The following CYP1B1 variants were observed in gnomAD, a reference collection of about 807,000 sequenced individuals.
The protein encoded by CYP1B1 is cytochrome P450 family 1 subfamily B member 1.
CYP1B1 carries 22 observed loss-of-function variants against 29.9 expected under a neutral mutation model. The observed-to-expected ratio is 0.74, with a 90% CI of 0.53 to 1.05. The LOEUF (loss-of-function observed/expected upper bound fraction) is 1.05, where lower values mean the gene tolerates loss of function less well. CYP1B1 is among the 50% of genes least tolerant of loss of function. The pLI is 0.00. For synonymous variants in CYP1B1, 375 were observed against 320.0 expected, an observed-to-expected ratio of 1.17 and a Z score of -1.83; for missense variants, 883 against 746.9, an observed-to-expected ratio of 1.18 and a Z score of -2.12.
Position 38,070,567 on chromosome 2 carries a change from T to C in CYP1B1, c.*155A>G, listed in dbSNP as rs1573271645. On this transcript the variant is annotated 3_prime_UTR_variant, in exon 3 of 3. Coordinates refer to ENST00000610745, the MANE Select transcript of CYP1B1 (RefSeq NM_000104.4). Reference sequence around the variant, plus strand: ...CCACTACTCATGAAGAACCGCTGGGTATGGAGCACACCTCACCTGATGGAC... The same window carrying C: ...CCACTACTCATGAAGAACCGCTGGGCATGGAGCACACCTCACCTGATGGAC... The C allele has an allele frequency of 2.8e-6, 2 of 713,588 alleles. No individual in the cohort carries two copies. The highest frequency in any genetic ancestry group is 2.3e-5 in the Admixed American group (1 of 44,102). 44.2% of individuals were successfully genotyped at this position (713,588 alleles called of 1,614,324 possible).
chr2:38,068,615 G>T lies in CYP1B1; in HGVS notation c.*2107C>A. The stretch of plus-strand genomic sequence containing the variant: ...GTACTGGGCAAGCCTGCTTTGTGTA[G>T]TTGACTCTAATGCCTTTAAAAATAC... On this transcript the variant is annotated 3_prime_UTR_variant, in exon 3 of 3. Coordinates refer to ENST00000610745, the MANE Select transcript of CYP1B1 (RefSeq NM_000104.4). 4.4e-6 allele frequency: 1 copy of T among 227,772 alleles called. No individual in the cohort carries two copies. The highest frequency in any genetic ancestry group is 8.8e-6 in the Non-Finnish European group (1 of 114,274). The allele number at this position is 227,772 out of a possible 1,614,324, so 14.1% of individuals were successfully genotyped here.
rs61216970 is a variant in CYP1B1 at position 38,075,354 on chromosome 2, G to T, written c.35C>A (p.Pro12Gln). ...CTGCTGGATGGACAGCGGGTTTAGC[G>T]GCCAAGGGTCGTTCGGGCTGAGGCT... ...GTSLSPNDPW[P>Q]LNPLSIQQTT... Residue 12 changes from proline (P) to glutamine (Q), a missense_variant, in exon 2 of 3, where the codon CCG becomes CAG. By Grantham distance (76) the Pro-to-Gln change is moderately conservative. Coordinates refer to ENST00000610745, the MANE Select transcript of CYP1B1 (RefSeq NM_000104.4). The T allele has an allele frequency of 1.2e-6, 2 of 1,613,234 alleles. No homozygotes were observed. Among genetic ancestry groups the T allele is most frequent in the Admixed American group, 1.7e-5 (1 of 60,014 alleles).
intron 1 of CYP1B1, 90 bp from the exon 2 acceptor site, chr2:38,075,479 GT>G (rs1258493124): frequency 7.5e-7 from 1 of 1,327,046 alleles, no homozygotes; most frequent in Non-Finnish European, 1.1e-6. Flanking sequence ...TGGGGACTGA[GT>G]GCCGTTGGGT....
chr2:38,072,881 G>C (rs1029924391), intron 2 of CYP1B1, among the ~76,000 whole-genome samples: 9 of 126,830 alleles, frequency 7.1e-5, no homozygotes, highest in South Asian at 5.0e-4. Flanking sequence ...CCTGTCATAC[G>C]TCTTTTCACT....
rs776969875 is a variant in CYP1B1 at position 38,075,199 on chromosome 2, C to T, written c.190G>A (p.Ala64Thr). The T allele has an allele frequency of 1.9e-6, 3 of 1,574,336 alleles. No individual in the cohort carries two copies. The highest frequency in any genetic ancestry group is 2.6e-6 in the Non-Finnish European group (3 of 1,167,084). Residue 64 changes from alanine (A) to threonine (T), a missense_variant, in exon 2 of 3, where the codon GCG becomes ACG. Ala to Thr is a moderately conservative substitution (Grantham distance 58). Transcript: ENST00000610745. The stretch of plus-strand genomic sequence containing the variant: ...AGGTGAGCCGCCTGGCCCACCGCCG[C>T]CGCGTTTCCGATCAGTGGCCACGCA... Reference protein sequence around the residue: ...PFAWPLIGNAAAVGQAAHLSF... With the variant: ...PFAWPLIGNATAVGQAAHLSF...
chr2:38,069,241 A>C lies in CYP1B1; in HGVS notation c.*1481T>G, dbSNP rs1460285812. On this transcript the variant is annotated 3_prime_UTR_variant, in exon 3 of 3. Transcript: ENST00000610745. ...ATCTTCTGATTCTGACTTTCCAAAAAGCAGGCATTAATGTTAACTTTCAAA... is the reference window on the plus strand; with the variant it reads ...ATCTTCTGATTCTGACTTTCCAAAACGCAGGCATTAATGTTAACTTTCAAA... 1 of 223,744 alleles carries C rather than the reference A, an allele frequency of 4.5e-6. No individual in the cohort carries two copies. The highest frequency in any genetic ancestry group is 6.5e-5 in the East Asian group (1 of 15,374). 13.9% of individuals were successfully genotyped at this position (223,744 alleles called of 1,614,324 possible). A position where few individuals can be genotyped will look rare whatever the true frequency, so the allele number is the denominator to read the frequency against.
At position 38,074,786 on chromosome 2, in the gene CYP1B1, C is replaced by T. The variant is rs960263159; in HGVS notation, c.603G>A (p.Val201=). The change falls in exon 2 of 3, where the codon GTG becomes GTA. Residue 201 remains valine, a synonymous_variant. Coordinates refer to ENST00000610745, the MANE Select transcript of CYP1B1 (RefSeq NM_000104.4). Reference sequence around the variant, plus strand: ...AACACACGGCACTCATGACGTTGGCCACGGCCACGACGGTCAGCGGCCTCG... The same window carrying T: ...AACACACGGCACTCATGACGTTGGCTACGGCCACGACGGTCAGCGGCCTCG... ...LDPRPLTVVA[V]ANVMSAVCFG... The T allele has an allele frequency of 9.4e-6, 15 of 1,589,802 alleles. No homozygotes were observed. The African/African-American group carries it at 1.5e-4, about 16-fold the overall frequency.
rs777425467 is a variant in CYP1B1, at chr2:38,075,160, G to C, written c.229C>G (p.Leu77Val). 7.0e-6 allele frequency: 11 copies of C among 1,572,192 alleles called. No individual in the cohort carries two copies. Among genetic ancestry groups the C allele is most frequent in the Non-Finnish European group, 9.4e-6 (11 of 1,166,670 alleles). ...AAAACGTCGCCGTAGCGCCGCGCCA[G>C]GCGAGCGAACGAGAGGTGAGCCGCC... is the stretch of plus-strand genomic sequence containing the variant. Reference protein sequence around the residue: ...GQAAHLSFARLARRYGDVFQI... With the variant: ...GQAAHLSFARVARRYGDVFQI... The change falls in exon 2 of 3, where the codon CTG (leucine) becomes GTG (valine). Residue 77 changes from leucine to valine, a missense_variant. Coordinates refer to ENST00000610745, the MANE Select transcript of CYP1B1 (RefSeq NM_000104.4).
At position 38,075,068 on chromosome 2, in the gene CYP1B1, C is replaced by G; in HGVS notation, c.321G>C (p.Leu107=). 3 of 1,584,534 alleles carry G rather than the reference C, an allele frequency of 1.9e-6. No homozygotes were observed. The highest frequency in any genetic ancestry group is 2.3e-5 in the East Asian group (1 of 43,982). Residue 107 remains leucine (L), a synonymous_variant, in exon 2 of 3, where the codon CTG becomes CTC. Coordinates refer to ENST00000610745, the MANE Select transcript of CYP1B1 (RefSeq NM_000104.4). ...LNGERAIHQA[L]VQQGSAFADR... The stretch of plus-strand genomic sequence containing the variant: ...CGGCGAAGGCCGAGCCCTGCTGCAC[C>G]AGGGCCTGGTGGATGGCGCGCTCGC...
At chr2:38,073,281 A>T (rs1682463807) in intron 2 of CYP1B1, among the ~76,000 whole-genome samples, 1 of 152,234 alleles carries the variant, frequency 6.6e-6, no homozygotes, top group African/African-American at 2.4e-5. Context: ...TCTGCCTTCC[A>T]AACACCTTTC....
chr2:38,072,279 C>G (rs956923218), intron 2 of CYP1B1, among the ~76,000 whole-genome samples: 4 of 152,160 alleles, frequency 2.6e-5, no homozygotes, highest in Non-Finnish European at 4.4e-5. Flanking sequence ...CCCCAGCTAC[C>G]TGCCAGACAG....
At position 38,070,426 on chromosome 2, in the gene CYP1B1, T is replaced by A; in HGVS notation, c.*296A>T. On this transcript the variant is annotated 3_prime_UTR_variant, in exon 3 of 3. Transcript: ENST00000610745. ...TGGGTGTATGTGTCTATATGTGCAT[T>A]TTAACTCCAAAGAATGCTACCTTCA... The A allele has an allele frequency of 2.2e-6, 1 of 460,126 alleles. No individual in the cohort carries two copies. The highest frequency in any genetic ancestry group is 2.4e-5 in the South Asian group (1 of 41,094). 28.5% of individuals were successfully genotyped at this position (460,126 alleles called of 1,614,324 possible).
Position 38,070,658 on chromosome 2 carries a change from T to G in CYP1B1, c.*64A>C, listed in dbSNP as rs1473446545. The stretch of plus-strand genomic sequence containing the variant: ...CACAAAAGAGGAACTGGAAAAAAAC[T>G]GAATTTTACTCCTCATCTCCGAAGA... On this transcript the variant is annotated 3_prime_UTR_variant, in exon 3 of 3. Coordinates refer to ENST00000610745, the MANE Select transcript of CYP1B1 (RefSeq NM_000104.4). 1 of 1,460,502 alleles carries G rather than the reference T, an allele frequency of 6.8e-7. No individual in the cohort carries two copies. Among genetic ancestry groups the G allele is most frequent in the African/African-American group, 1.4e-5 (1 of 71,762 alleles). The allele number at this position is 1,460,502 out of a possible 1,614,324, so 90.5% of individuals were successfully genotyped here. A position where few individuals can be genotyped will look rare whatever the true frequency, so the allele number is the denominator to read the frequency against.
Position 38,070,960 on chromosome 2 carries a change from A to G in CYP1B1, c.1394T>C (p.Val465Ala). ...DLTSRVMIFS[V>A]GKRRCIGEEL... ...TTCGCCAATGCACCGCCTTTTGCCC[A>G]CTGAAAAAATCATCACTCTGCTGGT... Residue 465 changes from valine (V) to alanine (A), a missense_variant, in exon 3 of 3, where the codon GTG (valine) becomes GCG (alanine). Val to Ala is a moderately conservative substitution (Grantham distance 64). Coordinates refer to ENST00000610745, the MANE Select transcript of CYP1B1 (RefSeq NM_000104.4). 1.2e-6 allele frequency: 2 copies of G among 1,614,094 alleles called. No individual in the cohort carries two copies. Among genetic ancestry groups the G allele is most frequent in the Non-Finnish European group, 1.7e-6 (2 of 1,179,950 alleles).
chr2:38,075,181 C>T lies in CYP1B1; in HGVS notation c.208G>A (p.Ala70Thr). 6.4e-7 allele frequency: 1 copy of T among 1,568,798 alleles called. No individual in the cohort carries two copies. The highest frequency in any genetic ancestry group is 8.6e-7 in the Non-Finnish European group (1 of 1,164,586). The change falls in exon 2 of 3, where the codon GCT (alanine) becomes ACT (threonine). Residue 70 changes from alanine (A) to threonine (T), a missense_variant. Coordinates refer to ENST00000610745, the MANE Select transcript of CYP1B1 (RefSeq NM_000104.4). Reference protein sequence around the residue: ...IGNAAAVGQAAHLSFARLARR... With the variant: ...IGNAAAVGQATHLSFARLARR... ...GCCAGGCGAGCGAACGAGAGGTGAG[C>T]CGCCTGGCCCACCGCCGCCGCGTTT...
rs1448211397 is a variant in CYP1B1, at chr2:38,075,928, T to A, written c.-150A>T. 1.3e-4 allele frequency: 21 copies of A among 161,312 alleles called. No homozygotes were observed. The allele number at this position is 161,312 out of a possible 1,614,324, so 10.0% of individuals were successfully genotyped here. On this transcript the variant is annotated 5_prime_UTR_variant, in exon 1 of 3. Transcript: ENST00000610745. ...CTGGAAGCTTTAACTCCCACTCGAGTCTCTTGGCGTCGTCAGTGCCAGGAG... is the reference window on the plus strand; with the variant it reads ...CTGGAAGCTTTAACTCCCACTCGAGACTCTTGGCGTCGTCAGTGCCAGGAG...
In CYP1B1 at chr2:38,075,231, C is replaced by T; in HGVS notation, c.158G>A (p.Gly53Asp). 6.3e-7 allele frequency: 1 copy of T among 1,586,484 alleles called. No individual in the cohort carries two copies. Among genetic ancestry groups the T allele is most frequent in the African/African-American group, 1.3e-5 (1 of 74,860 alleles). ...RRRQLRSAPP[G>D]PFAWPLIGNA... ...TCCGATCAGTGGCCACGCAAACGGG[C>T]CCGGGGGCGCGGACCGGAGCTGCCG... is the stretch of plus-strand genomic sequence containing the variant. Residue 53 changes from glycine (G) to aspartate (D), a missense_variant, in exon 2 of 3, where the codon GGC (glycine) becomes GAC (aspartate). By Grantham distance (94) the Gly-to-Asp change is moderately conservative (BLOSUM62 -1). Transcript: ENST00000610745.
rs1156428276 is a variant in CYP1B1 at position 38,070,477 on chromosome 2, A to T, written c.*245T>A. On this transcript the variant is annotated 3_prime_UTR_variant, in exon 3 of 3. Coordinates refer to ENST00000610745, the MANE Select transcript of CYP1B1 (RefSeq NM_000104.4). ...GAAATAACCAAGATGCAGTATGTATATAATAATTCATTGGGCCCTTTAAGT... is the reference window on the plus strand; with the variant it reads ...GAAATAACCAAGATGCAGTATGTATTTAATAATTCATTGGGCCCTTTAAGT... The T allele has an allele frequency of 3.7e-6, 2 of 538,702 alleles. No individual in the cohort carries two copies. The highest frequency in any genetic ancestry group is 6.4e-5 in the Admixed American group (2 of 31,302). The allele number at this position is 538,702 out of a possible 1,614,324, so 33.4% of individuals were successfully genotyped here. A position where few individuals can be genotyped will look rare whatever the true frequency, so the allele number is the denominator to read the frequency against.
Position 38,075,163 on chromosome 2 carries a change from G to A in CYP1B1, c.226C>T (p.Arg76Cys), listed in dbSNP as rs377210850. ...ACGTCGCCGTAGCGCCGCGCCAGGC[G>A]AGCGAACGAGAGGTGAGCCGCCTGG... ...VGQAAHLSFA[R>C]LARRYGDVFQ... The change falls in exon 2 of 3, where the codon CGC becomes TGC. Residue 76 changes from arginine to cysteine, a missense_variant. By Grantham distance (180) the Arg-to-Cys change is radical (BLOSUM62 -3). Transcript: ENST00000610745. 1.3e-6 allele frequency: 2 copies of A among 1,570,168 alleles called. No homozygotes were observed. Among genetic ancestry groups the A allele is most frequent in the South Asian group, 1.1e-5 (1 of 87,888 alleles).
Sources: allele counts gnomAD v4.1 joint callset (sites outside exome capture counted in the v4.1 genomes callset), GRCh38; gene constraint gnomAD v4.1.1; transcripts MANE v1.5; gene names NCBI Gene and HGNC (gene_info 2026-07-23, HGNC 2026-07-21).